The following ATRNL1 variants were observed in gnomAD, a reference collection of about 807,000 sequenced individuals.
The protein encoded by ATRNL1 is attractin like 1.
In ATRNL1, 95 loss-of-function variants were observed where a neutral mutation model predicts 182.7. That is an observed-to-expected ratio of 0.52 (90% CI 0.44 to 0.62). ATRNL1 has a LOEUF of 0.62. ATRNL1 is among the 20% of genes least tolerant of loss of function. ATRNL1 has a pLI of 0.00. For synonymous variants in ATRNL1, 576 were observed against 568.3 expected, an observed-to-expected ratio of 1.01 and a Z score of -0.19; for missense variants, 1,471 against 1,679.5, an observed-to-expected ratio of 0.88 and a Z score of 2.17.
intron 25 of ATRNL1, among the ~76,000 whole-genome samples, chr10:115,522,486 A>G (rs1245709548): frequency 2.0e-5 from 3 of 152,182 alleles, no homozygotes; most frequent in African/African-American, 7.2e-5. Flanking sequence ...TGCAACTCAA[A>G]CACCTTTCAT....
At chr10:115,497,200 C>A (rs782793642) in intron 24 of ATRNL1, among the ~76,000 whole-genome samples, 2 of 152,128 alleles carry the variant, frequency 1.3e-5, no homozygotes, top group African/African-American at 4.8e-5. Context: ...GTGTGTTTTG[C>A]AACTCTATCA....
chr10:115,105,543 C>T lies in ATRNL1; in HGVS notation c.293+11500C>T, dbSNP rs193167799. On this transcript the variant is annotated intron_variant, in intron 1 of 28. Transcript: ENST00000355044. Reference sequence around the variant, plus strand: ...GTCCCCAGGCCACGTCAGAGATCTTCGGGGCAGCCCCTCTCATCACAGGCC... The same window carrying T: ...GTCCCCAGGCCACGTCAGAGATCTTTGGGGCAGCCCCTCTCATCACAGGCC... Among the ~76,000 whole-genome samples, 770 of 152,310 alleles carry T rather than the reference C, an allele frequency of 5.1e-3. 10 individuals carry two copies. The highest frequency in any genetic ancestry group is 4.7e-3 in the Non-Finnish European group (322 of 68,034).
intron 26 of ATRNL1, among the ~76,000 whole-genome samples, chr10:115,655,294 A>G (rs1275452488): frequency 6.6e-5 from 10 of 152,184 alleles, no homozygotes; most frequent in African/African-American, 2.4e-4. Flanking sequence ...GAAATTTAAC[A>G]TAGTTTAGTC....
rs547515902 is a variant in ATRNL1, at chr10:115,546,375, C to A, written c.3717-3083C>A. Among the ~76,000 whole-genome samples, 61 of 151,884 alleles carry A rather than the reference C, an allele frequency of 4.0e-4. No individual in the cohort carries two copies. In the South Asian group the frequency reaches 8.8e-3, roughly 22 times the overall value. Reference sequence around the variant, plus strand: ...GTCAGGAGATCGAGACTATCCTGGCCAACATGGTGTAACCCCGTCTCTACT... The same window carrying A: ...GTCAGGAGATCGAGACTATCCTGGCAAACATGGTGTAACCCCGTCTCTACT... On this transcript the variant is annotated intron_variant, in intron 25 of 28. Transcript: ENST00000355044.
At chr10:115,515,943 CT>C (rs572097495) in intron 24 of ATRNL1, among the ~76,000 whole-genome samples, 2 of 151,792 alleles carry the variant, frequency 1.3e-5, no homozygotes, top group East Asian at 1.9e-4. Context: ...CTTTCCACTT[CT>C]TTTTTTTAAG....
intron 5 of ATRNL1, among the ~76,000 whole-genome samples, chr10:115,134,986 C>A (rs2143761805): frequency 6.6e-6 from 1 of 152,128 alleles, no homozygotes; most frequent in African/African-American, 2.4e-5. Context: ...AATTCAACAG[C>A]CCTTCATGCT....
chr10:115,330,574 T>G (rs1274554323), intron 18 of ATRNL1, among the ~76,000 whole-genome samples: 1 of 152,028 alleles, frequency 6.6e-6, no homozygotes, highest in African/African-American at 2.4e-5. Context: ...GGCAGTTTTG[T>G]TGTCTTTGAA....
At chr10:115,491,499 A>G (rs1481175081) in intron 24 of ATRNL1, among the ~76,000 whole-genome samples, 1 of 151,966 alleles carries the variant, frequency 6.6e-6, no homozygotes, top group Admixed American at 6.6e-5. Flanking sequence ...GCTGAGCTGC[A>G]GTGGGCTCAG....
At chr10:115,667,107 T>C (rs2133918683) in intron 26 of ATRNL1, among the ~76,000 whole-genome samples, 1 of 152,228 alleles carries the variant, frequency 6.6e-6, no homozygotes, top group East Asian at 1.9e-4. Flanking sequence ...TCTTCACTGC[T>C]GTCTACCCTG....
At chr10:115,788,197 C>G (rs1023610325) in intron 27 of ATRNL1, among the ~76,000 whole-genome samples, 5 of 152,182 alleles carry the variant, frequency 3.3e-5, no homozygotes, top group Admixed American at 6.5e-5. Context: ...TGAGTTGATA[C>G]TGGGTTTCGA....
intron 24 of ATRNL1, among the ~76,000 whole-genome samples, chr10:115,518,244 G>A (rs529696642): frequency 2.0e-4 from 30 of 151,858 alleles, no homozygotes; most frequent in Non-Finnish European, 4.0e-4. Context: ...CCTGAAATTG[G>A]TTGTTTCAGA....
chr10:115,891,512 A>G (rs949472294), intron 28 of ATRNL1, among the ~76,000 whole-genome samples: 1 of 152,208 alleles, frequency 6.6e-6, no homozygotes, highest in Non-Finnish European at 1.5e-5. Context: ...TATAATGCCA[A>G]TGTTTGGAGC....
chr10:115,882,347 T>C (rs1339274141), intron 28 of ATRNL1, among the ~76,000 whole-genome samples: 1 of 152,172 alleles, frequency 6.6e-6, no homozygotes, highest in Admixed American at 6.5e-5. Context: ...GCTGGGAAGA[T>C]ATTCACCGAA....
chr10:115,756,172 T>C (rs1280311227), intron 27 of ATRNL1, among the ~76,000 whole-genome samples: 3 of 152,176 alleles, frequency 2.0e-5, no homozygotes, highest in African/African-American at 7.2e-5. Flanking sequence ...TCTCCTTCAG[T>C]TCTGCTCTGA....
chr10:115,583,554 C>A (rs1855276970), intron 26 of ATRNL1, among the ~76,000 whole-genome samples: 1 of 114,898 alleles, frequency 8.7e-6, no homozygotes, highest in Admixed American at 1.0e-4. Context: ...TTCTGTTTGT[C>A]TGTTGTTGAT....
chr10:115,442,948 GTA>G (rs1307199722), intron 21 of ATRNL1, among the ~76,000 whole-genome samples: 2 of 151,948 alleles, frequency 1.3e-5, no homozygotes, highest in African/African-American at 4.8e-5. Context: ...TATTTATCAT[GTA>G]TAGTTACATC....
At chr10:115,497,944 TTA>T (rs1554978872) in intron 24 of ATRNL1, among the ~76,000 whole-genome samples, 1 of 152,038 alleles carries the variant, frequency 6.6e-6, no homozygotes, top group African/African-American at 2.4e-5. Flanking sequence ...GCGTGAGGCA[TTA>T]CACCTGGCCT....
intron 26 of ATRNL1, among the ~76,000 whole-genome samples, chr10:115,583,658 A>G (rs1170045456): frequency 2.1e-5 from 3 of 145,620 alleles, no homozygotes; most frequent in Middle Eastern, 3.2e-3. Context: ...GGGCTGAGAC[A>G]ATGGGGTTTT....
chr10:115,767,403 G>A (rs1948883479), intron 27 of ATRNL1, among the ~76,000 whole-genome samples: 1 of 151,982 alleles, frequency 6.6e-6, no homozygotes, highest in African/African-American at 2.4e-5. Flanking sequence ...GTCATCTCTT[G>A]TGCTTGTGCT....
Sources: gnomAD v4.1 joint callset for allele counts (sites outside exome capture counted in the v4.1 genomes callset) on GRCh38, gnomAD v4.1.1 for gene constraint, MANE v1.5 for transcripts, NCBI Gene and HGNC (gene_info 2026-07-23, HGNC 2026-07-21) for gene names.